RDX: variants seen among roughly 807,000 people sequenced by gnomAD.
RDX encodes the protein deafness, autosomal recessive 24.
A neutral mutation model predicts 83.7 loss-of-function variants in RDX; 32 were observed. The observed-to-expected ratio is 0.38, with a 90% CI of 0.29 to 0.51. RDX has a LOEUF of 0.51. Ranked by LOEUF, RDX falls within the 20% of genes least tolerant of loss-of-function variation. The pLI, the probability that RDX is intolerant of heterozygous loss-of-function variation, is 0.87. For missense variants in RDX, 600 were observed against 689.9 expected, an observed-to-expected ratio of 0.87 and a Z score of 1.46; for synonymous variants, 229 against 222.7, an observed-to-expected ratio of 1.03 and a Z score of -0.25.
At chr11:110,268,789 A>G (rs1420364965) in intron 3 of RDX, among the ~76,000 whole-genome samples, 9 of 151,918 alleles carry the variant, frequency 5.9e-5, no homozygotes, top group Non-Finnish European at 1.5e-5. Context: ...TTTAATTAAT[A>G]TATTTTAGTG....
At chr11:110,219,142 G>C (rs886276119) in intron 14 of RDX, among the ~76,000 whole-genome samples, 2 of 152,198 alleles carry the variant, frequency 1.3e-5, no homozygotes, top group African/African-American at 4.8e-5. Context: ...CGGCCTCATT[G>C]AGGTGGCATT....
At chr11:110,209,309 T>TAACA (rs1863729622) in intron 14 of RDX, among the ~76,000 whole-genome samples, 1 of 152,058 alleles carries the variant, frequency 6.6e-6, no homozygotes, top group African/African-American at 2.4e-5. Flanking sequence ...ACCACGAGAT[T>TAACA]ATATCCGGCA....
Position 110,273,169 on chromosome 11 carries a change from T to C in RDX, c.13-550A>G, listed in dbSNP as rs143494370. On this transcript the variant is annotated intron_variant, in intron 2 of 13. Transcript: ENST00000645495. ...TGAGGGCTGCCGTGAGCTATGATTGTACTACTGAACTTCAGCCTGCACAAC... is the reference window on the plus strand; with the variant it reads ...TGAGGGCTGCCGTGAGCTATGATTGCACTACTGAACTTCAGCCTGCACAAC... 2.7e-3 allele frequency: 1,206 copies of C among 447,382 alleles called. 14 individuals carry two copies. Among genetic ancestry groups the C allele is most frequent in the African/African-American group, 0.021 (1,068 of 50,020 alleles). The allele number at this position is 447,382 out of a possible 1,614,324, so 27.7% of individuals were successfully genotyped here.
downstream of RDX, among the ~76,000 whole-genome samples, chr11:110,228,054 G>C (rs1864489140): frequency 6.6e-6 from 1 of 152,054 alleles, no homozygotes; most frequent in African/African-American, 2.4e-5. Flanking sequence ...ATACAGCCAT[G>C]ATCTTTCCAC....
In RDX at chr11:110,233,497, G is replaced by A. The variant is rs144568643; in HGVS notation, c.1345-18C>T. On this transcript the variant is annotated intron_variant, in intron 12 of 13. Transcript: ENST00000645495. ...GCAAAAGCCTGAACATTAAAAATAC[G>A]TTTATGAGCAACTTACTTCAAAAAT... is the stretch of plus-strand genomic sequence containing the variant. 835 of 1,613,382 alleles carry A rather than the reference G, an allele frequency of 5.2e-4. 4 individuals carry two copies. The African/African-American group carries it at 0.01, about 20-fold the overall frequency.
intron 10 of RDX, among the ~76,000 whole-genome samples, chr11:110,242,457 T>C (rs113127815): frequency 7.0e-6 from 1 of 143,170 alleles, no homozygotes; most frequent in African/African-American, 2.6e-5. Context: ...AAAAAAAAAA[T>C]TAAAAAAAAA....
chr11:110,201,903 T>TTGTATGTG (rs369259369), intron 14 of RDX, among the ~76,000 whole-genome samples: 1 of 137,220 alleles, frequency 7.3e-6, no homozygotes, highest in Non-Finnish European at 1.6e-5. Flanking sequence ...CCGGCTAATT[T>TTGTATGTG]TGTGTGTGTG....
At chr11:110,261,389 C>T (rs992202837) in intron 5 of RDX, among the ~76,000 whole-genome samples, 11 of 152,194 alleles carry the variant, frequency 7.2e-5, no homozygotes, top group African/African-American at 2.7e-4. Flanking sequence ...ATCTATACCA[C>T]AAGAGCTAAA....
At chr11:110,289,598 T>C (rs10891079) in intron 1 of RDX, among the ~76,000 whole-genome samples, 57,528 of 151,810 alleles carry the variant, frequency 0.38, 11,055 homozygotes, top group East Asian at 0.51. Flanking sequence ...AGATTTTCTA[T>C]GTTCCCATTC....
At chr11:110,215,280 A>T in intron 14 of RDX, among the ~76,000 whole-genome samples, 1 of 150,164 alleles carries the variant, frequency 6.7e-6, no homozygotes. Context: ...GGAGAATGGC[A>T]TGAACCCGGG....
chr11:110,253,806 T>A, intron 9 of RDX, 140 bp downstream of exon 9: 1 of 749,612 alleles, frequency 1.3e-6, no homozygotes, highest in Non-Finnish European at 2.2e-6. Flanking sequence ...AAGGACAGAG[T>A]GATAATACTG....
chr11:110,221,408 G>A (rs1399165259), intron 14 of RDX, among the ~76,000 whole-genome samples: 1 of 152,020 alleles, frequency 6.6e-6, no homozygotes, highest in Non-Finnish European at 1.5e-5. Context: ...GACCAGGCTG[G>A]CCAACATGGT....
At chr11:110,268,944 A>C (rs754792598) in intron 3 of RDX, among the ~76,000 whole-genome samples, 3 of 150,112 alleles carry the variant, frequency 2.0e-5, no homozygotes. Context: ...ATTTTTAAAA[A>C]TGTTTAAAAA....
chr11:110,245,614 A>C (rs2134335035), intron 10 of RDX, among the ~76,000 whole-genome samples: 1 of 152,320 alleles, frequency 6.6e-6, no homozygotes, highest in South Asian at 2.1e-4. Context: ...ATATATCTAA[A>C]TTAGACACTC....
At chr11:110,289,752 A>G (rs2134449064) in intron 1 of RDX, among the ~76,000 whole-genome samples, 1 of 152,064 alleles carries the variant, frequency 6.6e-6, no homozygotes, top group South Asian at 2.1e-4. Context: ...CTCCGTCTCT[A>G]CTAAAAATAT....
At chr11:110,268,685 G>C (rs1007068947) in intron 3 of RDX, among the ~76,000 whole-genome samples, 2 of 152,016 alleles carry the variant, frequency 1.3e-5, no homozygotes, top group Admixed American at 6.6e-5. Flanking sequence ...ACAAATACAA[G>C]GAACAAGAAA....
At chr11:110,258,241 C>T (rs1335698699) in intron 5 of RDX, 52 bp from the exon 6 acceptor site, 8 of 1,204,054 alleles carry the variant, frequency 6.6e-6, no homozygotes, top group Non-Finnish European at 9.6e-6. Context: ...GATTCAAAAG[C>T]ATACACTTTA....
chr11:110,262,692 A>C (rs919562723), intron 5 of RDX, among the ~76,000 whole-genome samples: 3 of 152,222 alleles, frequency 2.0e-5, no homozygotes, highest in African/African-American at 7.2e-5. Context: ...TAAAACTGTA[A>C]ATCATATAGT....
intron 9 of RDX, among the ~76,000 whole-genome samples, chr11:110,249,700 T>A (rs1016902314): frequency 6.6e-6 from 1 of 152,086 alleles, no homozygotes; most frequent in African/African-American, 2.4e-5. Context: ...CGAGACCTCA[T>A]CTCTTCTAAA....
Sources: allele counts gnomAD v4.1 joint callset (sites outside exome capture counted in the v4.1 genomes callset), GRCh38; gene constraint gnomAD v4.1.1; transcripts MANE v1.5; gene names NCBI Gene and HGNC (gene_info 2026-07-23, HGNC 2026-07-21).